RHOU: variants seen among roughly 807,000 people sequenced by gnomAD.
RHOU encodes ras homolog family member U, also known as rho-related GTP-binding protein RhoU.
A neutral mutation model predicts 12.6 loss-of-function variants in RHOU; 8 were observed. The ratio of observed to expected loss-of-function variants is 0.64; its 90% confidence interval spans 0.37 to 1.15. The LOEUF is 1.15. Among genes scored for constraint, RHOU ranks in the 50% most tolerant of loss-of-function variants. RHOU has a pLI of 0.01. For missense variants in RHOU, 258 were observed against 347.0 expected (o/e 0.74, Z 2.04); for synonymous variants, 161 against 147.4 (o/e 1.09, Z -0.67).
Position 228,745,571 on chromosome 1 carries a change from A to G in RHOU, c.*1831A>G, listed in dbSNP as rs749562968. On this transcript the variant is annotated 3_prime_UTR_variant, in exon 3 of 3. Transcript: ENST00000366691. ...ATTAATCTTTAAACCACTAAAATACATAGACTGATTGATTATTCAACACAT... is the reference window on the plus strand; with the variant it reads ...ATTAATCTTTAAACCACTAAAATACGTAGACTGATTGATTATTCAACACAT... 1.3e-5 allele frequency: 2 copies of G among 152,258 alleles called. No homozygotes were observed. Among genetic ancestry groups the G allele is most frequent in the Non-Finnish European group, 2.9e-5 (2 of 68,040 alleles). 9.4% of individuals were successfully genotyped at this position (152,258 alleles called of 1,614,324 possible).
rs1662599243 is a variant in RHOU, at chr1:228,735,968, A to G, written c.226A>G (p.Thr76Ala). The change falls in exon 1 of 3, where the codon ACC becomes GCC. Residue 76 changes from threonine (T) to alanine (A), a missense_variant. By Grantham distance (58) the Thr-to-Ala change is moderately conservative. Coordinates refer to ENST00000366691, the MANE Select transcript of RHOU (RefSeq NM_021205.6). The surrounding 1 kb of genome is among the most constrained non-coding windows in gnomAD (Gnocchi z 8.1). ...GAGCTACACCACCAACGGCTACCCC[A>G]CCGAGTACATCCCTACTGCCTTCGA... Reference protein sequence around the residue: ...VVSYTTNGYPTEYIPTAFDNF... With the variant: ...VVSYTTNGYPAEYIPTAFDNF... 6.3e-7 allele frequency: 1 copy of G among 1,582,102 alleles called. No individual in the cohort carries two copies. Among genetic ancestry groups the G allele is most frequent in the Admixed American group, 1.7e-5 (1 of 59,076 alleles).
At chr1:228,730,272 G>T in the RHOU span, among the ~76,000 whole-genome samples, 575 of 152,326 alleles carry the variant, frequency 3.8e-3, 3 homozygotes, top group Middle Eastern at 0.027. Flanking sequence ...TGGGAACTTG[G>T]AGAAAAGCCA....
At position 228,746,439 on chromosome 1, in the gene RHOU, A is replaced by G. The variant is rs889517857; in HGVS notation, c.*2699A>G. Reference sequence around the variant, plus strand: ...TGTTATCTCTTGTTACCATGTATGTATAAATGGACCTTTTATAACCTTGTT... The same window carrying G: ...TGTTATCTCTTGTTACCATGTATGTGTAAATGGACCTTTTATAACCTTGTT... On this transcript the variant is annotated 3_prime_UTR_variant, in exon 3 of 3. Coordinates refer to ENST00000366691, the MANE Select transcript of RHOU (RefSeq NM_021205.6). The G allele has an allele frequency of 1.3e-5, 2 of 152,232 alleles. No individual in the cohort carries two copies. Among genetic ancestry groups the G allele is most frequent in the Non-Finnish European group, 2.9e-5 (2 of 68,040 alleles). The allele number at this position is 152,232 out of a possible 1,614,324, so 9.4% of individuals were successfully genotyped here. A position where few individuals can be genotyped will look rare whatever the true frequency, so the allele number is the denominator to read the frequency against.
chr1:228,668,254 G>A, the RHOU span, among the ~76,000 whole-genome samples: 1 of 152,192 alleles, frequency 6.6e-6, no homozygotes, highest in African/African-American at 2.4e-5. Flanking sequence ...TTTGCACATG[G>A]CTGTTCATGT....
the RHOU span, among the ~76,000 whole-genome samples, chr1:228,707,009 C>T: frequency 6.7e-6 from 1 of 149,064 alleles, no homozygotes; most frequent in Non-Finnish European, 1.5e-5. Flanking sequence ...GGCATCCTTG[C>T]CTCGTTTCTT....
At chr1:228,688,151 C>T in the RHOU span, among the ~76,000 whole-genome samples, 1 of 152,136 alleles carries the variant, frequency 6.6e-6, no homozygotes, top group Non-Finnish European at 1.5e-5. Flanking sequence ...AGTACATGCT[C>T]CATGAAGATG....
At chr1:228,736,189 G>A (rs1373968526) in intron 1 of RHOU, among the ~76,000 whole-genome samples, 185 bp downstream of exon 1, 1 of 141,832 alleles carries the variant, frequency 7.1e-6, no homozygotes, top group Non-Finnish European at 1.5e-5. Context: ...GGCAAGCGCG[G>A]AGCTAACACG....
the RHOU span, among the ~76,000 whole-genome samples, chr1:228,726,738 G>T: frequency 6.6e-6 from 1 of 152,036 alleles, no homozygotes; most frequent in Non-Finnish European, 1.5e-5. Context: ...TCTCTGAGCT[G>T]CCATCTTCTA....
chr1:228,646,912 A>C, the RHOU span, among the ~76,000 whole-genome samples: 3 of 151,996 alleles, frequency 2.0e-5, no homozygotes, highest in Non-Finnish European at 2.9e-5. Context: ...CGATCGAGAG[A>C]GACCGGAGAG....
the RHOU span, among the ~76,000 whole-genome samples, chr1:228,707,175 T>A: frequency 8.7e-6 from 1 of 114,882 alleles, no homozygotes; most frequent in African/African-American, 3.9e-5. Flanking sequence ...CACACATATA[T>A]TAACAAAATA....
chr1:228,699,602 T>C, the RHOU span, among the ~76,000 whole-genome samples: 104 of 152,186 alleles, frequency 6.8e-4, no homozygotes, highest in Non-Finnish European at 1.1e-3. Context: ...GAAGAGGATC[T>C]GATTGTCATT....
chr1:228,732,960 G>A (rs1049835458), upstream of RHOU, among the ~76,000 whole-genome samples: 2 of 152,144 alleles, frequency 1.3e-5, no homozygotes, highest in African/African-American at 2.4e-5. Flanking sequence ...CATAAGACAT[G>A]ACATTTTAAT....
chr1:228,655,198 G>A, the RHOU span, among the ~76,000 whole-genome samples: 10 of 151,090 alleles, frequency 6.6e-5, 1 homozygote, highest in African/African-American at 2.4e-4. Context: ...TCCGCCTCAT[G>A]AGTTCAAGCA....
the RHOU span, among the ~76,000 whole-genome samples, chr1:228,677,088 G>A: frequency 1.3e-5 from 2 of 152,168 alleles, no homozygotes; most frequent in Non-Finnish European, 2.9e-5. Flanking sequence ...GAGATAATGG[G>A]TGATTTCTCA....
chr1:228,650,773 C>T, the RHOU span: 1 of 432,306 alleles, frequency 2.3e-6, no homozygotes, highest in Non-Finnish European at 4.6e-6. Flanking sequence ...AAATCCTTTC[C>T]TCCCTCTACC....
the RHOU span, among the ~76,000 whole-genome samples, chr1:228,699,856 T>G: frequency 6.6e-6 from 1 of 152,180 alleles, no homozygotes; most frequent in Non-Finnish European, 1.5e-5. Context: ...AAAACAGGCA[T>G]TGAAAATGAC....
chr1:228,661,768 G>T, the RHOU span, among the ~76,000 whole-genome samples: 1 of 152,122 alleles, frequency 6.6e-6, no homozygotes, highest in Non-Finnish European at 1.5e-5. Flanking sequence ...CATAGGCATG[G>T]GCAAGGACGT....
the RHOU span, among the ~76,000 whole-genome samples, chr1:228,714,740 C>CTTTTTTTTTTTTTTTTTTTTTTTTT: frequency 1.2e-5 from 1 of 83,686 alleles, no homozygotes; most frequent in Non-Finnish European, 2.2e-5. Flanking sequence ...TGTTAATTAT[C>CTTTTTTTTTTTTTTTTTTTTTTTTT]TTTTTTTTTT....
chr1:228,647,061 A>G, the RHOU span, among the ~76,000 whole-genome samples: 1 of 152,086 alleles, frequency 6.6e-6, no homozygotes, highest in Non-Finnish European at 1.5e-5. Context: ...GAGAGCGAGA[A>G]CGTTTGAGCC....
Sources: gnomAD v4.1 joint callset for allele counts (sites outside exome capture counted in the v4.1 genomes callset) on GRCh38, gnomAD v4.1.1 for gene constraint, Gnocchi (gnomAD v3.1) non-coding constraint, MANE v1.5 for transcripts, NCBI Gene and HGNC (gene_info 2026-07-23, HGNC 2026-07-21) for gene names.